Variants in ESR1 observed in about 807,000 individuals in gnomAD.
ESR1 encodes estrogen receptor.
Under a neutral mutation model 52.7 loss-of-function variants are expected in ESR1, and 12 were observed. That is an observed-to-expected ratio of 0.23 (90% CI 0.15 to 0.37). The LOEUF is 0.37. ESR1 is among the 10% of genes least tolerant of loss of function. The pLI, the probability that ESR1 is intolerant of heterozygous loss-of-function variation, is 1.00. For missense variants in ESR1, 584 were observed against 779.7 expected, an observed-to-expected ratio of 0.75 and a Z score of 2.99; for synonymous variants, 305 against 316.8, an observed-to-expected ratio of 0.96 and a Z score of 0.39.
At chr6:151,828,866 C>T (rs1258574903) in intron 1 of ESR1, among the ~76,000 whole-genome samples, 1 of 152,200 alleles carries the variant, frequency 6.6e-6, no homozygotes, top group African/African-American at 2.4e-5. Flanking sequence ...GCTATGTCTT[C>T]TTAAAAGTAA....
intron 2 of ESR1, among the ~76,000 whole-genome samples, chr6:151,850,109 C>CATAT (rs1442247809): frequency 0.14 from 5,722 of 40,096 alleles, 1,084 homozygotes; most frequent in East Asian, 0.5. Flanking sequence ...TATATATATA[C>CATAT]AAAATTATAT....
At chr6:151,864,896 C>G (rs946224073) in intron 2 of ESR1, among the ~76,000 whole-genome samples, 2 of 130,462 alleles carry the variant, frequency 1.5e-5, no homozygotes, top group African/African-American at 5.9e-5. Context: ...AATAAGAACA[C>G]TTGGACACAG....
At chr6:151,695,091 T>A (rs1779237186) in intron 1 of ESR1, among the ~76,000 whole-genome samples, 1 of 152,178 alleles carries the variant, frequency 6.6e-6, no homozygotes, top group Non-Finnish European at 1.5e-5. Flanking sequence ...TCCAGTATTG[T>A]GGGATGCTCT....
chr6:151,710,533 T>C (rs1373690918), intron 2 of ESR1, among the ~76,000 whole-genome samples: 1 of 152,136 alleles, frequency 6.6e-6, no homozygotes, highest in African/African-American at 2.4e-5. Flanking sequence ...AAAGCAACAA[T>C]TTATATAAAG....
At chr6:151,749,991 A>C (rs894323860) in intron 2 of ESR1, among the ~76,000 whole-genome samples, 2 of 152,238 alleles carry the variant, frequency 1.3e-5, no homozygotes, top group Non-Finnish European at 2.9e-5. Context: ...GTTAATTGAC[A>C]TGTCAGGTTT....
intron 3 of ESR1, among the ~76,000 whole-genome samples, chr6:151,886,591 C>T (rs1793885775): frequency 6.6e-6 from 1 of 151,916 alleles, no homozygotes; most frequent in Non-Finnish European, 1.5e-5. Flanking sequence ...ATTCAGAAGC[C>T]CAATGAAACA....
intron 4 of ESR1, among the ~76,000 whole-genome samples, chr6:151,972,544 A>G: frequency 6.6e-6 from 1 of 152,218 alleles, no homozygotes; most frequent in East Asian, 1.9e-4. Context: ...AGAATTAAAA[A>G]CAAAAATCAC....
intron 2 of ESR1, among the ~76,000 whole-genome samples, chr6:151,727,552 T>A (rs1781937514): frequency 6.6e-6 from 1 of 152,178 alleles, no homozygotes; most frequent in Admixed American, 6.5e-5. Context: ...TAAATCCAAC[T>A]TGATTATAAT....
chr6:152,046,281 C>G (rs1329480184), intron 5 of ESR1, among the ~76,000 whole-genome samples: 1 of 152,196 alleles, frequency 6.6e-6, no homozygotes, highest in Non-Finnish European at 1.5e-5. Flanking sequence ...GCAGACTAGA[C>G]TATTTATTAA....
intron 3 of ESR1, among the ~76,000 whole-genome samples, chr6:151,923,506 T>C (rs965275989): frequency 1.3e-5 from 2 of 152,136 alleles, no homozygotes; most frequent in African/African-American, 4.8e-5. Context: ...CACCTTGAAC[T>C]CCTGACAACC....
chr6:152,113,409 A>T (rs939698453), intron 6 of ESR1, among the ~76,000 whole-genome samples: 1 of 152,110 alleles, frequency 6.6e-6, no homozygotes, highest in Non-Finnish European at 1.5e-5. Flanking sequence ...AGGGCCTGGG[A>T]AATGCACTCA....
At chr6:151,846,708 A>G (rs1275326988) in intron 2 of ESR1, among the ~76,000 whole-genome samples, 2 of 152,240 alleles carry the variant, frequency 1.3e-5, no homozygotes, top group Non-Finnish European at 2.9e-5. Context: ...AGATTGAGTA[A>G]TGGCCTCCAG....
chr6:151,696,386 C>T (rs929998476), intron 1 of ESR1, among the ~76,000 whole-genome samples: 8 of 151,850 alleles, frequency 5.3e-5, no homozygotes, highest in African/African-American at 1.5e-4. Context: ...GCAGGAGATT[C>T]GCTTGAACCT....
rs1296719595 is a variant in ESR1 at position 152,125,533 on chromosome 6, G to C, written c.*185G>C. On this transcript the variant is annotated 3_prime_UTR_variant, in exon 7 of 7. Coordinates refer to the ESR1 transcript ENST00000427531. ...AAAGTGTCTTAAGAAGGATAGGATA[G>C]CTACCCACAAACTTTGGATCAAATT... is the stretch of plus-strand genomic sequence containing the variant. 7.9e-6 allele frequency: 6 copies of C among 763,988 alleles called. No individual in the cohort carries two copies. In the Middle Eastern group the frequency reaches 1.3e-3, roughly 167 times the overall value. 47.3% of individuals were successfully genotyped at this position (763,988 alleles called of 1,614,324 possible).
At chr6:151,786,330 G>A (rs1307435927) in intron 2 of ESR1, among the ~76,000 whole-genome samples, 1 of 152,190 alleles carries the variant, frequency 6.6e-6, no homozygotes, top group Non-Finnish European at 1.5e-5. Context: ...TCTAGCGAGA[G>A]GCTGCCTCTC....
chr6:152,084,694 G>C (rs1362558268), intron 6 of ESR1, among the ~76,000 whole-genome samples: 1 of 139,902 alleles, frequency 7.1e-6, no homozygotes, highest in Non-Finnish European at 1.5e-5. Context: ...AGGTTCACAG[G>C]CTTTTAATTG....
At chr6:151,920,193 G>A (rs1169106192) in intron 3 of ESR1, among the ~76,000 whole-genome samples, 5 of 151,992 alleles carry the variant, frequency 3.3e-5, no homozygotes, top group South Asian at 2.1e-4. Flanking sequence ...TCAGCTGTGC[G>A]CCATCAACAT....
intron 4 of ESR1, among the ~76,000 whole-genome samples, chr6:152,006,135 C>A (rs1231269242): frequency 2.0e-5 from 3 of 151,960 alleles, no homozygotes; most frequent in Non-Finnish European, 4.4e-5. Context: ...TTGAGACTCA[C>A]AATATTTCAA....
At chr6:152,014,282 T>A (rs199954585) in intron 5 of ESR1, among the ~76,000 whole-genome samples, 3,282 of 152,196 alleles carry the variant, frequency 0.022, 106 homozygotes, top group East Asian at 0.13. Context: ...TTAGGATGTT[T>A]AACAGCATCC....
Sources: gnomAD v4.1 joint callset for allele counts (sites outside exome capture counted in the v4.1 genomes callset) on GRCh38, gnomAD v4.1.1 for gene constraint, MANE v1.5 for transcripts, NCBI Gene and HGNC (gene_info 2026-07-23, HGNC 2026-07-21) for gene names.